Variants in DCC observed in about 807,000 individuals in gnomAD.
DCC encodes netrin receptor DCC.
Under a neutral mutation model 172.5 loss-of-function variants are expected in DCC, and 58 were observed. The ratio of observed to expected loss-of-function variants is 0.34; its 90% CI spans 0.27 to 0.42. DCC has a LOEUF of 0.42. Among genes scored for constraint, DCC ranks in the 10% least tolerant of loss-of-function variants. DCC has a pLI of 1.00. For synonymous variants in DCC, 709 were observed against 644.5 expected (o/e 1.10, Z -1.52); for missense variants, 1,740 against 1,791.0 (o/e 0.97, Z 0.51).
At position 52,481,719 on chromosome 18, in the gene DCC, C is replaced by A. The variant is rs201208017; in HGVS notation, c.91+140841C>A. 2.0e-4 allele frequency among the ~76,000 whole-genome samples: 31 copies of A among 152,154 alleles called. No individual in the cohort carries two copies. In the East Asian group the frequency reaches 6.0e-3, roughly 29 times the overall value. ...AACTCTAACAGTGACGACTTAGGGT[C>A]CAGATCTGGCTCTGACACTGTCTGC... On this transcript the variant is annotated intron_variant, in intron 1 of 28. Coordinates refer to ENST00000442544, the MANE Select transcript of DCC (RefSeq NM_005215.4).
intron 7 of DCC, among the ~76,000 whole-genome samples, chr18:53,151,574 A>G (rs555561125): frequency 2.6e-5 from 4 of 152,302 alleles, no homozygotes; most frequent in Admixed American, 1.3e-4. Context: ...ACCATTTCAC[A>G]ATGTATATAT....
At chr18:52,712,083 C>G (rs968955360) in intron 1 of DCC, among the ~76,000 whole-genome samples, 2 of 152,058 alleles carry the variant, frequency 1.3e-5, no homozygotes, top group Non-Finnish European at 2.9e-5. Flanking sequence ...GCCTCAGCCT[C>G]CTGAGTAGCT....
intron 21 of DCC, among the ~76,000 whole-genome samples, chr18:53,432,951 A>G (rs150180221): frequency 0.015 from 2,357 of 152,236 alleles, 31 homozygotes; most frequent in Non-Finnish European, 0.025. Flanking sequence ...TGGTGCAAGA[A>G]ATGTGAATCA....
At chr18:52,642,197 T>C (rs1030277812) in intron 1 of DCC, among the ~76,000 whole-genome samples, 1 of 151,888 alleles carries the variant, frequency 6.6e-6, no homozygotes, top group Non-Finnish European at 1.5e-5. Context: ...TGGAGACTAT[T>C]ATTTTAAGTG....
intron 21 of DCC, chr18:53,416,496 T>C (rs185247621): frequency 1.2e-3 from 481 of 418,054 alleles, no homozygotes; most frequent in Admixed American, 1.7e-3. Flanking sequence ...TTCAAGCTGC[T>C]CTTGCACCCT....
At chr18:53,333,376 C>T (rs907517210) in intron 14 of DCC, among the ~76,000 whole-genome samples, 4 of 152,146 alleles carry the variant, frequency 2.6e-5, no homozygotes, top group Non-Finnish European at 5.9e-5. Flanking sequence ...GAACAAAACT[C>T]TAACAAAATG....
intron 1 of DCC, among the ~76,000 whole-genome samples, chr18:52,553,835 A>G (rs2032841178): frequency 6.6e-6 from 1 of 152,124 alleles, no homozygotes; most frequent in Non-Finnish European, 1.5e-5. Context: ...AAAGTCATAT[A>G]AAAACAGCAC....
At chr18:53,529,089 A>G (rs1335295030) in intron 28 of DCC, among the ~76,000 whole-genome samples, 2 of 141,974 alleles carry the variant, frequency 1.4e-5, no homozygotes, top group Admixed American at 1.4e-4. Flanking sequence ...CACACATTGT[A>G]TGTATATAAA....
At chr18:53,325,250 C>G (rs913168845) in intron 14 of DCC, among the ~76,000 whole-genome samples, 1 of 146,692 alleles carries the variant, frequency 6.8e-6, no homozygotes. Context: ...TGTAGGTGAT[C>G]AGAGAAAAGC....
At chr18:53,448,410 A>G (rs1287099305) in intron 22 of DCC, among the ~76,000 whole-genome samples, 1 of 152,196 alleles carries the variant, frequency 6.6e-6, no homozygotes, top group Non-Finnish European at 1.5e-5. Context: ...TAAAACCATC[A>G]GACCTTGTTG....
intron 7 of DCC, among the ~76,000 whole-genome samples, chr18:53,099,718 G>A (rs1395251939): frequency 1.3e-5 from 2 of 151,904 alleles, no homozygotes; most frequent in Non-Finnish European, 2.9e-5. Flanking sequence ...AAGGAGGTTT[G>A]AACCCCAAAA....
At chr18:52,525,080 C>T (rs1473911069) in intron 1 of DCC, among the ~76,000 whole-genome samples, 2 of 151,672 alleles carry the variant, frequency 1.3e-5, no homozygotes, top group African/African-American at 4.8e-5. Context: ...TTAAATTATC[C>T]TCATATATAT....
chr18:52,692,409 A>G lies in DCC; in HGVS notation c.92-59645A>G, dbSNP rs368554901. The stretch of plus-strand genomic sequence containing the variant: ...CCACCTTCTGTTGTTTAATCACTGC[A>G]TTCTGAACTGATTTGTAGTCTCTCT... On this transcript the variant is annotated intron_variant, in intron 1 of 28. Transcript: ENST00000442544. 5.9e-5 allele frequency among the ~76,000 whole-genome samples: 9 copies of G among 152,148 alleles called. No homozygotes were observed. The East Asian group carries it at 7.7e-4, about 13-fold the overall frequency.
intron 27 of DCC, among the ~76,000 whole-genome samples, chr18:53,511,428 G>A (rs868634781): frequency 1.3e-5 from 2 of 152,202 alleles, no homozygotes; most frequent in South Asian, 4.1e-4. Flanking sequence ...TGCAATTCTT[G>A]TGAAGTTTAA....
At chr18:52,606,589 G>T (rs1390265193) in intron 1 of DCC, among the ~76,000 whole-genome samples, 1 of 152,072 alleles carries the variant, frequency 6.6e-6, no homozygotes, top group Admixed American at 6.6e-5. Context: ...GATAAAGATC[G>T]CTATGAACTA....
chr18:52,943,844 G>A (rs2145530166), intron 5 of DCC, among the ~76,000 whole-genome samples: 1 of 152,174 alleles, frequency 6.6e-6, no homozygotes, highest in Non-Finnish European at 1.5e-5. Context: ...CCGCCTCCTG[G>A]GTTCAAGTGA....
intron 2 of DCC, among the ~76,000 whole-genome samples, chr18:52,770,773 G>C (rs890559724): frequency 6.6e-6 from 1 of 152,150 alleles, no homozygotes; most frequent in Non-Finnish European, 1.5e-5. Context: ...AGAGAACAAG[G>C]ACTTGGTGAG....
At chr18:52,480,646 ATAAAATATTAACTATTTCAATTAT>A (rs1195151038) in intron 1 of DCC, among the ~76,000 whole-genome samples, 1 of 152,224 alleles carries the variant, frequency 6.6e-6, no homozygotes, top group Admixed American at 6.5e-5. Context: ...ATAAATACTC[ATAAAATATTAACTATTTCAATTAT>A]TAGAAATGCA....
At chr18:53,023,399 ACC>A (rs1203198305) in intron 5 of DCC, among the ~76,000 whole-genome samples, 20 of 2,728 alleles carry the variant, frequency 7.3e-3, no homozygotes, top group African/African-American at 1.0e-2. Flanking sequence ...TATAACTCAG[ACC>A]AAAAAAAAAA....
Sources: allele counts gnomAD v4.1 joint callset (sites outside exome capture counted in the v4.1 genomes callset), GRCh38; gene constraint gnomAD v4.1.1; transcripts MANE v1.5; gene names NCBI Gene and HGNC (gene_info 2026-07-23, HGNC 2026-07-21).